FHIT: variants seen among roughly 807,000 people sequenced by gnomAD.
FHIT encodes the protein fragile histidine triad diadenosine triphosphatase.
In FHIT, 19 loss-of-function variants were observed where a neutral mutation model predicts 17.9. The observed-to-expected ratio is 1.06, with a 90% CI of 0.74 to 1.56. The LOEUF is 1.56. Among genes scored for constraint, FHIT ranks in the 40% most tolerant of loss-of-function variants. The pLI, the probability that FHIT is intolerant of heterozygous loss-of-function variation, is 0.00. For missense variants in FHIT, 248 were observed against 189.2 expected, an observed-to-expected ratio of 1.31 and a Z score of -1.82; for synonymous variants, 81 against 69.7, an observed-to-expected ratio of 1.16 and a Z score of -0.81.
In FHIT at chr3:60,006,253, CAGATA is replaced by C. The variant is rs557925103; in HGVS notation, c.279+5113_279+5117del. The stretch of plus-strand genomic sequence containing the variant: ...TTTCAAAGTGTCATTTTTATAAGTT[CAGATA>C]AGATATTTAAATAGCACAAGTCATA... On this transcript the variant is annotated intron_variant, in intron 7 of 9. Transcript: ENST00000492590. 1.1e-4 allele frequency among the ~76,000 whole-genome samples: 16 copies of C among 152,226 alleles called. No homozygotes were observed. The Middle Eastern group carries it at 0.014, about 129-fold the overall frequency.
chr3:60,559,775 C>G (rs1195240033), intron 4 of FHIT, among the ~76,000 whole-genome samples: 1 of 126,370 alleles, frequency 7.9e-6, no homozygotes, highest in Non-Finnish European at 1.7e-5. Flanking sequence ...GGCACTTACA[C>G]CATTTCTTAT....
chr3:59,759,059 G>C (rs1337276996), intron 8 of FHIT, among the ~76,000 whole-genome samples: 1 of 152,024 alleles, frequency 6.6e-6, no homozygotes, highest in African/African-American at 2.4e-5. Context: ...CTTCACTGAA[G>C]ATGTAGCATA....
At chr3:61,210,877 T>C (rs1447826979) in intron 1 of FHIT, among the ~76,000 whole-genome samples, 1 of 151,694 alleles carries the variant, frequency 6.6e-6, no homozygotes, top group Non-Finnish European at 1.5e-5. Flanking sequence ...AATGCAGAAA[T>C]CACCCATCTT....
At chr3:59,776,068 A>G (rs1401349015) in intron 8 of FHIT, among the ~76,000 whole-genome samples, 1 of 152,226 alleles carries the variant, frequency 6.6e-6, no homozygotes, top group Non-Finnish European at 1.5e-5. Flanking sequence ...TTGCCTGCCC[A>G]GCTCCTTACA....
chr3:60,409,721 T>C (rs1244711211), intron 5 of FHIT, among the ~76,000 whole-genome samples: 1 of 152,132 alleles, frequency 6.6e-6, no homozygotes, highest in Non-Finnish European at 1.5e-5. Flanking sequence ...CATTTTGGAG[T>C]TAATCAAGAA....
intron 4 of FHIT, among the ~76,000 whole-genome samples, chr3:60,783,188 C>G (rs1172923106): frequency 6.6e-6 from 1 of 152,064 alleles, no homozygotes; most frequent in Non-Finnish European, 1.5e-5. Flanking sequence ...GCCATGTTGC[C>G]CAGGCTCTCA....
At chr3:60,235,696 A>C (rs1310578404) in intron 5 of FHIT, among the ~76,000 whole-genome samples, 1 of 152,156 alleles carries the variant, frequency 6.6e-6, no homozygotes, top group African/African-American at 2.4e-5. Flanking sequence ...CTGTGATGTC[A>C]ATTTTATAAA....
At chr3:60,209,120 A>G (rs1047306471) in intron 5 of FHIT, among the ~76,000 whole-genome samples, 2 of 152,218 alleles carry the variant, frequency 1.3e-5, no homozygotes, top group Non-Finnish European at 2.9e-5. Flanking sequence ...AACAAATGCC[A>G]AAACATTTAC....
intron 2 of FHIT, among the ~76,000 whole-genome samples, chr3:61,062,751 T>G (rs372421561): frequency 2.3e-4 from 35 of 152,266 alleles, no homozygotes; most frequent in African/African-American, 8.4e-4. Flanking sequence ...GAGCCATGAA[T>G]TAAGTGGATC....
rs547431306 is a variant in FHIT, at chr3:60,045,902, G to A, written c.104-31750C>T. On this transcript the variant is annotated intron_variant, in intron 5 of 9. Coordinates refer to ENST00000492590, the MANE Select transcript of FHIT (RefSeq NM_002012.4). ...ATCTAACTAGAGATCACCAGCAGGA[G>A]TCTGCCCTGTCCATCTGGAGCCCAG... Among the ~76,000 whole-genome samples, 28 of 152,298 alleles carry A rather than the reference G, an allele frequency of 1.8e-4. No homozygotes were observed. The South Asian group carries it at 2.7e-3, about 15-fold the overall frequency.
intron 4 of FHIT, among the ~76,000 whole-genome samples, chr3:60,558,210 C>A (rs972711310): frequency 6.6e-6 from 1 of 151,978 alleles, no homozygotes; most frequent in African/African-American, 2.4e-5. Flanking sequence ...CCTGCCCTAC[C>A]TTTGTTCTCT....
chr3:60,679,337 A>G (rs2040694418), intron 4 of FHIT, among the ~76,000 whole-genome samples: 1 of 152,208 alleles, frequency 6.6e-6, no homozygotes, highest in Non-Finnish European at 1.5e-5. Flanking sequence ...TGTAGAAGTC[A>G]TGTCTGCTTA....
At chr3:60,417,164 T>G (rs1372466478) in intron 5 of FHIT, among the ~76,000 whole-genome samples, 2 of 152,042 alleles carry the variant, frequency 1.3e-5, no homozygotes, top group Non-Finnish European at 2.9e-5. Flanking sequence ...AAAGTGTGGC[T>G]ACATCCATAA....
At chr3:60,188,207 C>CTTTTTTTT (rs1210975877) in intron 5 of FHIT, among the ~76,000 whole-genome samples, 3 of 125,570 alleles carry the variant, frequency 2.4e-5, no homozygotes, top group Non-Finnish European at 3.3e-5. Flanking sequence ...CAGTTTCTTT[C>CTTTTTTTT]TTTTTTTTTT....
At chr3:60,417,047 C>A (rs1034584668) in intron 5 of FHIT, among the ~76,000 whole-genome samples, 1 of 151,084 alleles carries the variant, frequency 6.6e-6, no homozygotes, top group Non-Finnish European at 1.5e-5. Flanking sequence ...CGAGATCGCA[C>A]CACTGCACTC....
At chr3:59,912,592 A>G (rs1394371589) in intron 8 of FHIT, among the ~76,000 whole-genome samples, 1 of 152,234 alleles carries the variant, frequency 6.6e-6, no homozygotes, top group Non-Finnish European at 1.5e-5. Flanking sequence ...CAAGATTAAC[A>G]GAGAAGCCAG....
intron 5 of FHIT, among the ~76,000 whole-genome samples, chr3:60,250,178 T>C (rs1337545165): frequency 6.6e-6 from 1 of 152,086 alleles, no homozygotes; most frequent in Non-Finnish European, 1.5e-5. Flanking sequence ...AGGCCATACA[T>C]GCACTAGATA....
At chr3:60,904,627 C>A (rs1179340818) in intron 3 of FHIT, among the ~76,000 whole-genome samples, 1 of 151,884 alleles carries the variant, frequency 6.6e-6, no homozygotes, top group Admixed American at 6.6e-5. Flanking sequence ...AGATTAAGCT[C>A]CAATCACCCT....
chr3:61,158,252 G>A (rs993928501), intron 2 of FHIT, among the ~76,000 whole-genome samples: 15 of 152,114 alleles, frequency 9.9e-5, no homozygotes, highest in African/African-American at 3.6e-4. Flanking sequence ...ATGTCACCAC[G>A]CAGTAGAATC....
Sources: allele counts gnomAD v4.1 joint callset (sites outside exome capture counted in the v4.1 genomes callset), GRCh38; gene constraint gnomAD v4.1.1; transcripts MANE v1.5; gene names NCBI Gene and HGNC (gene_info 2026-07-23, HGNC 2026-07-21).